Variants in PSORS1C1 observed in about 807,000 individuals in gnomAD.
PSORS1C1 encodes psoriasis susceptibility 1 candidate gene 1 protein.
Under a neutral mutation model 9.4 loss-of-function variants are expected in PSORS1C1, and 7 were observed. The ratio of observed to expected loss-of-function variants is 0.75; its 90% CI spans 0.42 to 1.40. The LOEUF is 1.40. PSORS1C1 is among the 40% of genes most tolerant of loss of function. The pLI is 0.01. For missense variants in PSORS1C1, 146 were observed against 178.1 expected, an observed-to-expected ratio of 0.82 and a Z score of 1.02; for synonymous variants, 63 against 69.4, an observed-to-expected ratio of 0.91 and a Z score of 0.46.
At chr6:31,137,088 C>G (rs976889561) in intron 3 of PSORS1C1, among the ~76,000 whole-genome samples, 14 of 151,702 alleles carry the variant, frequency 9.2e-5, no homozygotes, top group Admixed American at 9.2e-4. Context: ...GCGGAGGTTG[C>G]AGTGAGCCGA....
intron 1 of PSORS1C1, chr6:31,117,235 C>A: frequency 6.2e-7 from 1 of 1,613,232 alleles, no homozygotes; most frequent in Non-Finnish European, 8.5e-7. Context: ...ACCGGATGCA[C>A]CTTGTAGACT....
chr6:31,134,153 G>A lies in PSORS1C1; in HGVS notation c.14-4277G>A, dbSNP rs372222302. ...GCCACCATGCCCAGCTAATTTTTTT[G>A]TATTTTTAGTAGAGACAGGGATTCA... On this transcript the variant is annotated intron_variant, in intron 3 of 5. Coordinates refer to ENST00000259881, the MANE Select transcript of PSORS1C1 (RefSeq NM_014068.3). 4.7e-5 allele frequency among the ~76,000 whole-genome samples: 7 copies of A among 148,056 alleles called. No homozygotes were observed. In the East Asian group the frequency reaches 8.1e-4, roughly 17 times the overall value.
intron 3 of PSORS1C1, among the ~76,000 whole-genome samples, chr6:31,131,767 T>C (rs1290106041): frequency 1.3e-5 from 2 of 152,230 alleles, no homozygotes; most frequent in Admixed American, 1.3e-4. Flanking sequence ...TGTGAAATGA[T>C]CATGATAGCA....
Position 31,115,967 on chromosome 6 carries a change from G to A in PSORS1C1, c.-229+1076G>A. Reference sequence around the variant, plus strand: ...TGGGCACTGGACTTCTCCCATATGGGATATAGTGTATGTGCTTGTTTGTGC... The same window carrying A: ...TGGGCACTGGACTTCTCCCATATGGAATATAGTGTATGTGCTTGTTTGTGC... On this transcript the variant is annotated intron_variant, in intron 1 of 5. Coordinates refer to ENST00000259881, the MANE Select transcript of PSORS1C1 (RefSeq NM_014068.3). The surrounding 1 kb of genome is among the most constrained non-coding windows in gnomAD (Gnocchi z 4.2). 6.8e-7 allele frequency: 1 copy of A among 1,464,062 alleles called. No individual in the cohort carries two copies. The highest frequency in any genetic ancestry group is 2.3e-5 in the East Asian group (1 of 43,938). 90.7% of individuals were successfully genotyped at this position (1,464,062 alleles called of 1,614,324 possible). A position where few individuals can be genotyped will look rare whatever the true frequency, so the allele number is the denominator to read the frequency against.
At chr6:31,125,288 C>T (rs952924673) in intron 1 of PSORS1C1, among the ~76,000 whole-genome samples, 3 of 151,942 alleles carry the variant, frequency 2.0e-5, no homozygotes, top group African/African-American at 4.8e-5. Context: ...AGCGAGAGGC[C>T]GTTTCCTCTC....
intron 4 of PSORS1C1, 32 bp downstream of exon 4, chr6:31,138,491 A>T: frequency 6.2e-7 from 1 of 1,611,472 alleles, no homozygotes; most frequent in Non-Finnish European, 8.5e-7. Context: ...TGATGGTAAA[A>T]TGTCATGAAC....
intron 2 of PSORS1C1, among the ~76,000 whole-genome samples, chr6:31,127,988 C>G (rs1018338133): frequency 2.6e-5 from 4 of 152,182 alleles, no homozygotes; most frequent in Non-Finnish European, 5.9e-5. Flanking sequence ...GGGCCCTGAT[C>G]CCTTTGACTG....
At chr6:31,130,524 A>G (rs13196158) in intron 3 of PSORS1C1, among the ~76,000 whole-genome samples, 33,134 of 150,642 alleles carry the variant, frequency 0.22, 4,186 homozygotes, top group African/African-American at 0.34. Context: ...CCATTCTCCT[A>G]CCTCAGCCTC....
chr6:31,127,176 G>C (rs117730294), intron 2 of PSORS1C1, among the ~76,000 whole-genome samples: 1 of 152,284 alleles, frequency 6.6e-6, no homozygotes, highest in Admixed American at 6.5e-5. Context: ...AGGAGAGGCC[G>C]GAAAGACTTG....
Position 31,116,329 on chromosome 6 carries a change from C to A in PSORS1C1, c.-229+1438C>A, listed in dbSNP as rs139897124. 14 of 1,613,448 alleles carry A rather than the reference C, an allele frequency of 8.7e-6. No homozygotes were observed. The highest frequency in any genetic ancestry group is 1.2e-5 in the Non-Finnish European group (14 of 1,179,800). ...GGAACTGGAGCTGCTGCTGAAGGAG[C>A]CGGTGCCTGGTGGGGAGCAGGGGCT... is the stretch of plus-strand genomic sequence containing the variant. On this transcript the variant is annotated intron_variant, in intron 1 of 5. Transcript: ENST00000259881.
chr6:31,133,250 G>A (rs1009588445), intron 3 of PSORS1C1, among the ~76,000 whole-genome samples: 3 of 152,060 alleles, frequency 2.0e-5, no homozygotes, highest in African/African-American at 7.2e-5. Flanking sequence ...ATAAATCATT[G>A]CCATAGGGTG....
chr6:31,116,869 C>CCCCCTGA (rs1333090293), intron 1 of PSORS1C1: 1 of 1,614,030 alleles, frequency 6.2e-7, no homozygotes, highest in South Asian at 1.1e-5. Context: ...AGGCCTCTGA[C>CCCCCTGA]CCCCTGACAC....
intron 3 of PSORS1C1, chr6:31,137,971 G>C (rs1157724561): frequency 6.7e-7 from 1 of 1,499,470 alleles, no homozygotes; most frequent in South Asian, 1.4e-5. Flanking sequence ...TCTTCCCGGG[G>C]TGGGTCTAGG....
intron 2 of PSORS1C1, among the ~76,000 whole-genome samples, chr6:31,126,784 C>T (rs1294774635): frequency 6.6e-6 from 1 of 152,196 alleles, no homozygotes; most frequent in Non-Finnish European, 1.5e-5. Flanking sequence ...TCCCCCCGCT[C>T]CCCTGAGTCT....
chr6:31,131,642 T>TA (rs1225324198), intron 3 of PSORS1C1, among the ~76,000 whole-genome samples: 1 of 149,730 alleles, frequency 6.7e-6, no homozygotes, highest in Non-Finnish European at 1.5e-5. Context: ...ATGTAGTGGT[T>TA]AAAATCAGTG....
At chr6:31,120,755 T>G (rs1772414339) in intron 1 of PSORS1C1, among the ~76,000 whole-genome samples, 3 of 152,110 alleles carry the variant, frequency 2.0e-5, no homozygotes, top group Admixed American at 6.6e-5. Flanking sequence ...CGGCCACTCT[T>G]GCCACGGGAC....
chr6:31,126,137 G>A (rs55803249), intron 2 of PSORS1C1, among the ~76,000 whole-genome samples: 5,196 of 152,278 alleles, frequency 0.034, 109 homozygotes, highest in Middle Eastern at 0.041. Context: ...GTGCAATCTC[G>A]GCCTGGGCCT....
chr6:31,124,878 G>T (rs1011505388), intron 1 of PSORS1C1, among the ~76,000 whole-genome samples: 2 of 152,122 alleles, frequency 1.3e-5, no homozygotes, highest in Non-Finnish European at 2.9e-5. Flanking sequence ...TGAGGCAGGA[G>T]AATCATTTGA....
intron 1 of PSORS1C1, chr6:31,116,108 G>A: frequency 6.2e-7 from 1 of 1,611,406 alleles, no homozygotes. Flanking sequence ...ACTTGGGCTA[G>A]GATATCCCGG....
Sources: allele counts gnomAD v4.1 joint callset (sites outside exome capture counted in the v4.1 genomes callset), GRCh38; gene constraint gnomAD v4.1.1; non-coding constraint Gnocchi (gnomAD v3.1); transcripts MANE v1.5; gene names NCBI Gene and HGNC (gene_info 2026-07-23, HGNC 2026-07-21).